The following CADM2 variants were observed in gnomAD, a reference collection of about 807,000 sequenced individuals.
CADM2 encodes the protein cell adhesion molecule 2, also known as immunoglobulin superfamily member 4D.
Under a neutral mutation model 49.8 loss-of-function variants are expected in CADM2, and 12 were observed. The ratio of observed to expected loss-of-function variants is 0.24; its 90% confidence interval spans 0.15 to 0.39. CADM2 has a LOEUF of 0.39. CADM2 is among the 10% of genes least tolerant of loss of function. The pLI is 1.00. For missense variants in CADM2, 378 were observed against 492.3 expected (o/e 0.77, Z 2.20); for synonymous variants, 214 against 175.4 (o/e 1.22, Z -1.74).
chr3:85,632,420 G>C (rs1274706416), intron 1 of CADM2, among the ~76,000 whole-genome samples: 1 of 152,004 alleles, frequency 6.6e-6, no homozygotes, highest in Non-Finnish European at 1.5e-5. Flanking sequence ...AAATAAATTA[G>C]GCAAAATAAG....
chr3:85,559,930 C>T (rs1267122642), intron 1 of CADM2, among the ~76,000 whole-genome samples: 4 of 152,132 alleles, frequency 2.6e-5, no homozygotes, highest in Admixed American at 2.6e-4. Context: ...GCTCTAAACA[C>T]CTTTTAATAA....
At chr3:85,157,402 A>G (rs1360761719) in intron 1 of CADM2, among the ~76,000 whole-genome samples, 1 of 152,030 alleles carries the variant, frequency 6.6e-6, no homozygotes, top group East Asian at 1.9e-4. Flanking sequence ...AGCCAAAAGA[A>G]CAAAGCTGGA....
At chr3:85,206,315 T>TC (rs1224105802) in intron 1 of CADM2, among the ~76,000 whole-genome samples, 4 of 149,940 alleles carry the variant, frequency 2.7e-5, no homozygotes, top group Non-Finnish European at 5.9e-5. Context: ...TCTTTTCTTT[T>TC]TTTTTTTTTT....
intron 1 of CADM2, among the ~76,000 whole-genome samples, chr3:85,220,524 T>C (rs563031781): frequency 6.6e-6 from 1 of 152,300 alleles, no homozygotes; most frequent in Non-Finnish European, 1.5e-5. Context: ...GGTATCTGAC[T>C]AGTTGAACAT....
intron 1 of CADM2, among the ~76,000 whole-genome samples, chr3:85,039,746 T>TA (rs2035365523): frequency 6.6e-6 from 1 of 152,164 alleles, no homozygotes; most frequent in Non-Finnish European, 1.5e-5. Flanking sequence ...CTAGTTAATT[T>TA]AAATACTGAA....
intron 1 of CADM2, among the ~76,000 whole-genome samples, chr3:85,254,633 G>T (rs2042845344): frequency 6.6e-6 from 1 of 152,080 alleles, no homozygotes; most frequent in South Asian, 2.1e-4. Context: ...ATTGCAAAAT[G>T]TCACAAATCT....
chr3:84,964,387 T>G (rs891248602), intron 1 of CADM2, among the ~76,000 whole-genome samples: 1 of 152,196 alleles, frequency 6.6e-6, no homozygotes, highest in Non-Finnish European at 1.5e-5. Flanking sequence ...CAAGTAAGCC[T>G]TATTTACTAT....
chr3:86,043,743 A>G (rs1331341916), intron 8 of CADM2, among the ~76,000 whole-genome samples: 1 of 152,136 alleles, frequency 6.6e-6, no homozygotes, highest in African/African-American at 2.4e-5. Flanking sequence ...AAAAGAGACC[A>G]CCTTGCCAAG....
At chr3:85,902,478 G>A (rs1025177888) in intron 5 of CADM2, among the ~76,000 whole-genome samples, 12 of 151,042 alleles carry the variant, frequency 7.9e-5, no homozygotes, top group Non-Finnish European at 1.6e-4. Context: ...TTATAATCTC[G>A]GCTTTTTGAT....
intron 1 of CADM2, among the ~76,000 whole-genome samples, chr3:85,526,887 T>C (rs1268890623): frequency 6.6e-6 from 1 of 152,182 alleles, no homozygotes; most frequent in Non-Finnish European, 1.5e-5. Context: ...TATGGCTGAA[T>C]TTACAAAATG....
chr3:85,668,093 T>C (rs533850923), intron 1 of CADM2, among the ~76,000 whole-genome samples: 1 of 152,002 alleles, frequency 6.6e-6, no homozygotes, highest in East Asian at 1.9e-4. Context: ...ATAGCAAGTT[T>C]TCCATATTTT....
intron 1 of CADM2, among the ~76,000 whole-genome samples, chr3:85,216,317 AT>A: frequency 6.8e-6 from 1 of 147,418 alleles, no homozygotes; most frequent in East Asian, 1.9e-4. Flanking sequence ...TATTTAACAT[AT>A]TAATATATAT....
chr3:86,056,863 A>G (rs17291700), intron 8 of CADM2, among the ~76,000 whole-genome samples: 3,907 of 152,248 alleles, frequency 0.026, 81 homozygotes, highest in Middle Eastern at 0.071. Flanking sequence ...GTTTTTTATG[A>G]GCTTCATGGG....
Position 85,217,997 on chromosome 3 carries a change from C to T in CADM2, c.61+258329C>T, listed in dbSNP as rs72913067. Reference sequence around the variant, plus strand: ...GGCCTTTAGCTGTGTATCCATAAATCAAACATTTAAAAATATTTTAATTAA... The same window carrying T: ...GGCCTTTAGCTGTGTATCCATAAATTAAACATTTAAAAATATTTTAATTAA... On this transcript the variant is annotated intron_variant, in intron 1 of 9. Coordinates refer to ENST00000383699, the MANE Select transcript of CADM2 (RefSeq NM_001167675.2). Among the ~76,000 whole-genome samples, 963 of 151,934 alleles carry T rather than the reference C, an allele frequency of 6.3e-3. 13 individuals carry two copies. Among genetic ancestry groups the T allele is most frequent in the African/African-American group, 0.022 (898 of 41,476 alleles).
intron 1 of CADM2, among the ~76,000 whole-genome samples, chr3:85,716,921 A>C (rs986562954): frequency 6.6e-6 from 1 of 152,164 alleles, no homozygotes; most frequent in African/African-American, 2.4e-5. Flanking sequence ...GTTTGAAGTC[A>C]GGTAGTGTGA....
intron 5 of CADM2, among the ~76,000 whole-genome samples, chr3:85,909,535 C>A (rs1003723845): frequency 2.6e-5 from 4 of 152,022 alleles, no homozygotes; most frequent in African/African-American, 7.2e-5. Flanking sequence ...AGTTATGTCT[C>A]CAGTGTCAAA....
intron 3 of CADM2, among the ~76,000 whole-genome samples, chr3:85,806,874 A>G (rs927441735): frequency 6.6e-6 from 1 of 152,166 alleles, no homozygotes; most frequent in Non-Finnish European, 1.5e-5. Context: ...ACTGAGGTAA[A>G]ATAAAGACGA....
intron 1 of CADM2, among the ~76,000 whole-genome samples, chr3:85,429,321 G>A (rs945390758): frequency 9.2e-5 from 14 of 151,964 alleles, no homozygotes; most frequent in Non-Finnish European, 1.3e-4. Flanking sequence ...TTTATGCCCC[G>A]CACGATGAAA....
chr3:85,103,161 G>A (rs73843293), intron 1 of CADM2, among the ~76,000 whole-genome samples: 1 of 152,110 alleles, frequency 6.6e-6, no homozygotes, highest in Non-Finnish European at 1.5e-5. Context: ...TTAATTATCT[G>A]CAGACTAGGA....
Sources: allele counts gnomAD v4.1 joint callset (sites outside exome capture counted in the v4.1 genomes callset), GRCh38; gene constraint gnomAD v4.1.1; transcripts MANE v1.5; gene names NCBI Gene and HGNC (gene_info 2026-07-23, HGNC 2026-07-21).